The following TEKT5 variants were observed in gnomAD, a reference collection of about 807,000 sequenced individuals.
The protein encoded by TEKT5 is tektin-5.
Under a neutral mutation model 48.7 loss-of-function variants are expected in TEKT5, and 52 were observed. The observed-to-expected ratio is 1.07, with a 90% confidence interval of 0.86 to 1.35. The LOEUF is 1.35. TEKT5 is among the 40% of genes most tolerant of loss of function. The pLI is 0.00. For synonymous variants in TEKT5, 318 were observed against 267.6 expected (o/e 1.19, Z -1.84); for missense variants, 831 against 641.6 (o/e 1.30, Z -3.19).
At chr16:10,651,137 C>T (rs1898149491) in intron 5 of TEKT5, among the ~76,000 whole-genome samples, 1 of 152,164 alleles carries the variant, frequency 6.6e-6, no homozygotes, top group African/African-American at 2.4e-5. Flanking sequence ...GGTCTTTCTG[C>T]AGGGCAACCC....
chr16:10,651,167 A>G (rs2541553), intron 5 of TEKT5, among the ~76,000 whole-genome samples: 68,298 of 151,890 alleles, frequency 0.45, 17,545 homozygotes, highest in African/African-American at 0.71. Flanking sequence ...AGATCAAATC[A>G]GGGAGCTGCC....
intron 6 of TEKT5, among the ~76,000 whole-genome samples, chr16:10,632,861 C>T (rs1034120079): frequency 1.4e-5 from 2 of 142,844 alleles, no homozygotes; most frequent in East Asian, 2.1e-4. Flanking sequence ...ACAACATACA[C>T]AGATGCAGAC....
chr16:10,683,252 T>A (rs909225897), intron 3 of TEKT5, among the ~76,000 whole-genome samples: 1 of 50,658 alleles, frequency 2.0e-5, no homozygotes, highest in Admixed American at 2.3e-4. Context: ...AAACACCAGA[T>A]GTTTAGGGAC....
chr16:10,672,613 T>C (rs569697685), intron 5 of TEKT5, among the ~76,000 whole-genome samples: 20 of 152,182 alleles, frequency 1.3e-4, no homozygotes, highest in African/African-American at 4.8e-4. Context: ...ACCTCAACAT[T>C]GTAGATTCCT....
At chr16:10,644,326 C>T (rs1898038173) in intron 5 of TEKT5, among the ~76,000 whole-genome samples, 1 of 152,192 alleles carries the variant, frequency 6.6e-6, no homozygotes, top group South Asian at 2.1e-4. Context: ...CTAAGTGCAT[C>T]ATCAGAGGTG....
At chr16:10,669,238 C>A (rs1898513292) in intron 5 of TEKT5, among the ~76,000 whole-genome samples, 1 of 152,012 alleles carries the variant, frequency 6.6e-6, no homozygotes, top group Non-Finnish European at 1.5e-5. Flanking sequence ...GAGGCTGAGG[C>A]CGGTGGATCA....
In TEKT5 at chr16:10,694,429, C is replaced by A; in HGVS notation, c.445G>T (p.Gly149Cys). Reference sequence around the variant, plus strand: ...TAGCTCAGCTCTGACTTCCAGAAGCCAATGTCCGACAGCCTCTGGCCCAGG... The same window carrying A: ...TAGCTCAGCTCTGACTTCCAGAAGCAAATGTCCGACAGCCTCTGGCCCAGG... ...RNLGQRLSDI[G>C]FWKSELSYEL... The change falls in exon 1 of 7, where the codon GGC becomes TGC. Residue 149 changes from glycine to cysteine, a missense_variant. Physicochemically the swap from Gly to Cys is radical, Grantham distance 159. Coordinates refer to ENST00000283025, the MANE Select transcript of TEKT5 (RefSeq NM_144674.2). 1 of 1,614,196 alleles carries A rather than the reference C, an allele frequency of 6.2e-7. No individual in the cohort carries two copies. Among genetic ancestry groups the A allele is most frequent in the Non-Finnish European group, 8.5e-7 (1 of 1,180,046 alleles).
intron 5 of TEKT5, among the ~76,000 whole-genome samples, chr16:10,662,618 G>A (rs918824078): frequency 7.2e-5 from 11 of 152,164 alleles, no homozygotes; most frequent in South Asian, 2.1e-4. Context: ...TTCTTGCAAC[G>A]TATCCTTGTA....
chr16:10,661,859 G>C (rs1407235472), intron 5 of TEKT5, among the ~76,000 whole-genome samples: 2 of 152,144 alleles, frequency 1.3e-5, no homozygotes, highest in Non-Finnish European at 2.9e-5. Context: ...GATGATAATA[G>C]CATCTATCCT....
intron 5 of TEKT5, among the ~76,000 whole-genome samples, chr16:10,673,872 G>A (rs898967936): frequency 1.3e-5 from 2 of 151,566 alleles, no homozygotes; most frequent in Admixed American, 6.6e-5. Context: ...GGCTGGTCTC[G>A]AACTCCTGAC....
chr16:10,670,037 G>C (rs1898525788), intron 5 of TEKT5, among the ~76,000 whole-genome samples: 1 of 152,192 alleles, frequency 6.6e-6, no homozygotes, highest in Non-Finnish European at 1.5e-5. Flanking sequence ...GAACAGATGA[G>C]GCTGTCTGCA....
At chr16:10,633,542 C>G (rs1034998811) in intron 6 of TEKT5, among the ~76,000 whole-genome samples, 2 of 152,034 alleles carry the variant, frequency 1.3e-5, no homozygotes, top group Non-Finnish European at 2.9e-5. Context: ...GGCTGAAGAC[C>G]TAGCAAGCCA....
intron 5 of TEKT5, among the ~76,000 whole-genome samples, chr16:10,636,321 G>T (rs1440327571): frequency 1.3e-5 from 2 of 151,776 alleles, no homozygotes; most frequent in African/African-American, 4.8e-5. Flanking sequence ...GTTGCAGTGA[G>T]CTGAGATTGT....
intron 5 of TEKT5, among the ~76,000 whole-genome samples, chr16:10,638,875 T>C (rs1171768684): frequency 6.6e-6 from 1 of 152,224 alleles, no homozygotes; most frequent in Non-Finnish European, 1.5e-5. Flanking sequence ...AAGACTATGA[T>C]GTAAAACAAA....
At chr16:10,682,701 T>C (rs771579592) in intron 3 of TEKT5, among the ~76,000 whole-genome samples, 1 of 152,230 alleles carries the variant, frequency 6.6e-6, no homozygotes, top group Admixed American at 6.5e-5. Context: ...TTAGGCTTTG[T>C]GGGTCATATG....
At chr16:10,646,966 G>C (rs1311274730) in intron 5 of TEKT5, among the ~76,000 whole-genome samples, 1 of 152,250 alleles carries the variant, frequency 6.6e-6, no homozygotes, top group Non-Finnish European at 1.5e-5. Flanking sequence ...TGTGGGGGCA[G>C]TGGGTGGGAT....
intron 5 of TEKT5, among the ~76,000 whole-genome samples, chr16:10,646,557 C>T (rs1898073795): frequency 6.6e-6 from 1 of 152,074 alleles, no homozygotes; most frequent in Non-Finnish European, 1.5e-5. Context: ...AGGTTGGGCC[C>T]ATAACCTATG....
At chr16:10,692,371 T>C (rs558227751) in intron 1 of TEKT5, among the ~76,000 whole-genome samples, 13 of 152,218 alleles carry the variant, frequency 8.5e-5, no homozygotes, top group African/African-American at 2.9e-4. Flanking sequence ...ACCTATGCCA[T>C]GTCTCCCAGG....
At chr16:10,659,808 T>A (rs1210288161) in intron 5 of TEKT5, among the ~76,000 whole-genome samples, 1 of 152,068 alleles carries the variant, frequency 6.6e-6, no homozygotes, top group Non-Finnish European at 1.5e-5. Flanking sequence ...ATGGGGAAAG[T>A]TTGGGGAGGA....
Sources: allele counts gnomAD v4.1 joint callset (sites outside exome capture counted in the v4.1 genomes callset), GRCh38; gene constraint gnomAD v4.1.1; transcripts MANE v1.5; gene names NCBI Gene and HGNC (gene_info 2026-07-23, HGNC 2026-07-21).